The following STON1 variants were observed in gnomAD, a reference collection of about 807,000 sequenced individuals.
STON1 encodes stonin-1.
A neutral mutation model predicts 60.9 loss-of-function variants in STON1; 79 were observed. The ratio of observed to expected loss-of-function variants is 1.30; its 90% CI spans 1.08 to 1.56. The LOEUF (loss-of-function observed/expected upper bound fraction) is 1.56, where lower values mean the gene tolerates loss of function less well. Among genes scored for constraint, STON1 ranks in the 40% most tolerant of loss-of-function variants. The probability of loss-of-function intolerance (pLI) is 0.00; values close to 1 mark genes in which losing one functional copy is unlikely to be tolerated. For synonymous variants in STON1, 363 were observed against 306.9 expected (o/e 1.18, Z -1.91); for missense variants, 1,166 against 858.9 (o/e 1.36, Z -4.47).
At chr2:48,566,315 A>G (rs1384455018) in intron 1 of STON1, among the ~76,000 whole-genome samples, 3 of 152,186 alleles carry the variant, frequency 2.0e-5, no homozygotes. Context: ...AGCTGGGATT[A>G]CAGGTGCCCA....
chr2:48,565,949 G>A (rs761403347), intron 1 of STON1, among the ~76,000 whole-genome samples: 1 of 152,064 alleles, frequency 6.6e-6, no homozygotes, highest in African/African-American at 2.4e-5. Flanking sequence ...TCTAAAATCC[G>A]AATACCCACC....
rs763500970 is a variant in STON1, at chr2:48,581,011, CA to C, written c.379del (p.Arg127AspfsTer23). The C allele has an allele frequency of 8.3e-6, 13 of 1,572,536 alleles. No individual in the cohort carries two copies. The Admixed American group carries it at 2.5e-4, about 30-fold the overall frequency. On this transcript the variant is annotated frameshift_variant, in exon 2 of 4. Coordinates refer to ENST00000404752, the MANE Select transcript of STON1 (RefSeq NM_006873.4). LOFTEE classifies it high-confidence loss of function. ...GAGGAGAATCTTCCTTACTGCCTACCAGACCAACATGTTTATCCCATGCCTT... is the reference window on the plus strand; with the variant it reads ...GAGGAGAATCTTCCTTACTGCCTACCGACCAACATGTTTATCCCATGCCTT... ...SGGESSLLPT[R>X]PTCLSHALLP...
intron 1 of STON1, chr2:48,569,125 T>A (rs1341613525): frequency 6.6e-6 from 1 of 152,216 alleles, no homozygotes; most frequent in African/African-American, 2.4e-5. Flanking sequence ...TTTCCTTTTC[T>A]ACCAAATAAT....
chr2:48,557,151 G>A (rs1228027379), intron 1 of STON1, among the ~76,000 whole-genome samples: 8 of 100,026 alleles, frequency 8.0e-5, no homozygotes, highest in African/African-American at 1.9e-4. Flanking sequence ...GGTGGCTGCC[G>A]GGCGGAGACG....
chr2:48,543,529 CTTT>C (rs869048449), intron 1 of STON1, among the ~76,000 whole-genome samples: 12 of 128,176 alleles, frequency 9.4e-5, no homozygotes, highest in African/African-American at 1.2e-4. Context: ...TTAAAGATAA[CTTT>C]TTTTTTTTTT....
chr2:48,582,180 G>T lies in STON1; in HGVS notation c.1547G>T (p.Arg516Leu). 1 of 1,614,176 alleles carries T rather than the reference G, an allele frequency of 6.2e-7. No homozygotes were observed. Among genetic ancestry groups the T allele is most frequent in the Non-Finnish European group, 8.5e-7 (1 of 1,180,032 alleles). ...PLDACRFELM[R>L]FKTLYNGDNL... ...GATGCCTGCCGGTTTGAGCTGATGC[G>T]TTTCAAGACTTTGTATAATGGGGAT... The change falls in exon 2 of 4, where the codon CGT (arginine) becomes CTT (leucine). Residue 516 changes from arginine to leucine, a missense_variant. Coordinates refer to ENST00000404752, the MANE Select transcript of STON1 (RefSeq NM_006873.4).
chr2:48,564,404 TGTC>T (rs1358544128), intron 1 of STON1, among the ~76,000 whole-genome samples: 4 of 128,518 alleles, frequency 3.1e-5, no homozygotes, highest in East Asian at 2.4e-4. Flanking sequence ...GCAGTGGCGG[TGTC>T]TTCTTCTTCT....
Position 48,591,716 on chromosome 2 carries a change from C to T in STON1, c.1994C>T (p.Ser665Phe), listed in dbSNP as rs1346105862. The T allele has an allele frequency of 6.2e-7, 1 of 1,614,144 alleles. No individual in the cohort carries two copies. The highest frequency in any genetic ancestry group is 1.1e-5 in the South Asian group (1 of 91,076). Residue 665 changes from serine to phenylalanine, a missense_variant, in exon 3 of 4, where the codon TCT (serine) becomes TTT (phenylalanine). By Grantham distance (155) the Ser-to-Phe change is radical (BLOSUM62 -2). Coordinates refer to ENST00000404752, the MANE Select transcript of STON1 (RefSeq NM_006873.4). ...CTTGGATCAGACCAAGAAATTCCCT[C>T]TGATTGGTATCCATTTGCTACTGTT... ...LELGSDQEIP[S>F]DWYPFATVQF...
intron 1 of STON1, among the ~76,000 whole-genome samples, chr2:48,578,091 T>A (rs1308106742): frequency 6.6e-6 from 1 of 152,130 alleles, no homozygotes; most frequent in East Asian, 1.9e-4. Context: ...TCCCCTGCCT[T>A]AGCCTCCAGA....
At position 48,581,169 on chromosome 2, in the gene STON1, A is replaced by G. The variant is rs765279487; in HGVS notation, c.536A>G (p.Asp179Gly). ...CCCCAGTTTCAGTATTTTCGAGAGG[A>G]CTGTGCTTTTTCAAGTCCATTTTGG... is the stretch of plus-strand genomic sequence containing the variant. ...DLPQFQYFRE[D>G]CAFSSPFWKD... Residue 179 changes from aspartate (D) to glycine (G), a missense_variant, in exon 2 of 4, where the codon GAC (aspartate) becomes GGC (glycine). Physicochemically the swap from Asp to Gly is moderately conservative, Grantham distance 94. Transcript: ENST00000404752. The G allele has an allele frequency of 1.9e-5, 29 of 1,545,656 alleles. 1 individual carries two copies. In the South Asian group the frequency reaches 3.7e-4, roughly 20 times the overall value.
At chr2:48,591,927 G>C in intron 3 of STON1, 72 bp downstream of exon 3, 1 of 1,542,900 alleles carries the variant, frequency 6.5e-7, no homozygotes, top group Admixed American at 1.9e-5. Context: ...TTTTGTGATC[G>C]TGTATGTGTT....
chr2:48,536,670 C>G (rs1468037276), intron 1 of STON1, among the ~76,000 whole-genome samples: 3 of 151,460 alleles, frequency 2.0e-5, no homozygotes, highest in Non-Finnish European at 4.4e-5. Context: ...TGGATTTGAC[C>G]AATTTATATA....
chr2:48,569,307 C>G (rs1673086658), intron 1 of STON1, among the ~76,000 whole-genome samples: 1 of 152,140 alleles, frequency 6.6e-6, no homozygotes, highest in Non-Finnish European at 1.5e-5. Flanking sequence ...ATTCTTTGAA[C>G]TGGGGAGGGC....
chr2:48,564,467 C>A (rs1672770633), intron 1 of STON1, among the ~76,000 whole-genome samples: 1 of 55,906 alleles, frequency 1.8e-5, no homozygotes, highest in African/African-American at 6.9e-5. Context: ...TCTTCTTCTT[C>A]TTCTTCTTCT....
intron 1 of STON1, among the ~76,000 whole-genome samples, chr2:48,547,667 G>A (rs1280645799): frequency 6.6e-6 from 1 of 152,212 alleles, no homozygotes; most frequent in African/African-American, 2.4e-5. Context: ...AGCCATCAAT[G>A]CCAGCTGTTT....
intron 2 of STON1, 95 bp from the exon 3 acceptor site, chr2:48,591,558 C>G (rs1165144984): frequency 3.3e-6 from 5 of 1,497,142 alleles, no homozygotes; most frequent in Non-Finnish European, 4.5e-6. Context: ...TAATGAAATT[C>G]CTTATTAAGG....
intron 1 of STON1, among the ~76,000 whole-genome samples, chr2:48,553,467 T>TTCCTG (rs1434792798): frequency 6.6e-6 from 1 of 151,710 alleles, no homozygotes; most frequent in Non-Finnish European, 1.5e-5. Context: ...TTTTGTTTTT[T>TTCCTG]TCCTGTCCTG....
chr2:48,569,520 A>G (rs1673098157), intron 1 of STON1, among the ~76,000 whole-genome samples: 1 of 152,240 alleles, frequency 6.6e-6, no homozygotes, highest in Non-Finnish European at 1.5e-5. Context: ...ATTCAATCAG[A>G]AATGTATTAA....
intron 1 of STON1, among the ~76,000 whole-genome samples, chr2:48,558,349 T>G (rs1429120415): frequency 6.6e-6 from 1 of 152,250 alleles, no homozygotes; most frequent in Non-Finnish European, 1.5e-5. Context: ...AACATGCTGT[T>G]GTTATGTTAT....
Sources: allele counts gnomAD v4.1 joint callset (sites outside exome capture counted in the v4.1 genomes callset), GRCh38; gene constraint gnomAD v4.1.1; transcripts MANE v1.5; gene names NCBI Gene and HGNC (gene_info 2026-07-23, HGNC 2026-07-21).